The following SLC9A8 variants were observed in gnomAD, a reference collection of about 807,000 sequenced individuals.
SLC9A8 encodes solute carrier family 9 member A8.
A neutral mutation model predicts 66.6 loss-of-function variants in SLC9A8; 48 were observed. The observed-to-expected ratio is 0.72, with a 90% confidence interval of 0.57 to 0.92. The LOEUF (loss-of-function observed/expected upper bound fraction) is 0.92. SLC9A8 is among the 40% of genes least tolerant of loss of function. The probability of loss-of-function intolerance (pLI) is 0.00; values close to 1 mark genes in which losing one functional copy is unlikely to be tolerated. For missense variants in SLC9A8, 599 were observed against 747.3 expected, an observed-to-expected ratio of 0.80 and a Z score of 2.31; for synonymous variants, 274 against 282.6, an observed-to-expected ratio of 0.97 and a Z score of 0.31.
Position 49,864,831 on chromosome 20 carries a change from A to C in SLC9A8, c.945A>C (p.Gly315=). Residue 315 remains glycine, a synonymous_variant, in exon 10 of 16, where the codon GGA becomes GGC. Transcript: ENST00000361573. ...FAYLPYGLAE[G]ISLSGIMAIL... ...ATCTGCCTTATGGGCTTGCAGAAGG[A>C]ATCTCACTCTCAGGTAAGTGACAGA... 1.2e-6 allele frequency: 2 copies of C among 1,608,922 alleles called. No homozygotes were observed. The highest frequency in any genetic ancestry group is 1.7e-6 in the Non-Finnish European group (2 of 1,175,204).
Position 49,888,308 on chromosome 20 carries a change from C to T in SLC9A8, c.*372C>T, listed in dbSNP as rs146175002. The T allele has an allele frequency of 6.9e-3, 1,384 of 200,156 alleles. 5 individuals are homozygous for T. Among genetic ancestry groups the T allele is most frequent in the Non-Finnish European group, 9.9e-3 (936 of 94,522 alleles). 12.4% of individuals were successfully genotyped at this position (200,156 alleles called of 1,614,324 possible). ...TAGAGGAGCACCATCTACAGTTGTG[C>T]CATTCCCCAGCCACTGCCTTCATGC... is the stretch of plus-strand genomic sequence containing the variant. On this transcript the variant is annotated 3_prime_UTR_variant, in exon 16 of 16. Coordinates refer to ENST00000361573, the MANE Select transcript of SLC9A8 (RefSeq NM_015266.3).
In SLC9A8 at chr20:49,876,710, C is replaced by T. The variant is rs116585280; in HGVS notation, c.1076-1271C>T. On this transcript the variant is annotated intron_variant, in intron 11 of 15. Coordinates refer to ENST00000361573, the MANE Select transcript of SLC9A8 (RefSeq NM_015266.3). ...ACTGAACACCTTCATTAGCAAGGGT[C>T]CCAACTGTGGCAAAGTGGCAGAAAT... Among the ~76,000 whole-genome samples the T allele has an allele frequency of 9.9e-3, 1,509 of 152,252 alleles. 27 individuals are homozygous for T. The highest frequency in any genetic ancestry group is 0.067 in the South Asian group (323 of 4,814).
chr20:49,859,480 AC>A (rs2088648267), intron 8 of SLC9A8, among the ~76,000 whole-genome samples: 2 of 124,838 alleles, frequency 1.6e-5, no homozygotes, highest in South Asian at 6.5e-4. Context: ...CTCCCCCTCC[AC>A]CTTTTTTTTT....
intron 2 of SLC9A8, among the ~76,000 whole-genome samples, chr20:49,817,391 A>G (rs915972013): frequency 1.3e-5 from 2 of 151,938 alleles, no homozygotes; most frequent in Non-Finnish European, 2.9e-5. Flanking sequence ...GCTTTTCTTT[A>G]ATGATACCAA....
chr20:49,857,159 C>CA (rs1484382107), intron 8 of SLC9A8, among the ~76,000 whole-genome samples: 1 of 152,032 alleles, frequency 6.6e-6, no homozygotes, highest in Non-Finnish European at 1.5e-5. Context: ...CACCTTCCCG[C>CA]AAAAAACTCC....
intron 3 of SLC9A8, among the ~76,000 whole-genome samples, chr20:49,834,433 GTATATATATATATATACTGTATA>G (rs2087434478): frequency 3.5e-5 from 1 of 28,172 alleles, no homozygotes; most frequent in East Asian, 1.4e-3. Context: ...TATATATACT[GTATATATATATATATACTGTATA>G]TATATATACT....
chr20:49,881,785 A>G (rs2089633812), intron 13 of SLC9A8, among the ~76,000 whole-genome samples: 2 of 152,220 alleles, frequency 1.3e-5, no homozygotes, highest in African/African-American at 4.8e-5. Context: ...GTATATATAC[A>G]TATACATTTA....
At position 49,888,941 on chromosome 20, in the gene SLC9A8, T is replaced by C. The variant is rs1274107532; in HGVS notation, c.*1005T>C. 6.6e-6 allele frequency: 1 copy of C among 152,428 alleles called. No homozygotes were observed. The highest frequency in any genetic ancestry group is 1.5e-5 in the Non-Finnish European group (1 of 68,184). 9.4% of individuals were successfully genotyped at this position (152,428 alleles called of 1,614,324 possible). A position where few individuals can be genotyped will look rare whatever the true frequency, so the allele number is the denominator to read the frequency against. On this transcript the variant is annotated 3_prime_UTR_variant, in exon 16 of 16. Coordinates refer to ENST00000361573, the MANE Select transcript of SLC9A8 (RefSeq NM_015266.3). ...CAGTTCCCTACCACGTTGGATCCCATTCGTCACCCATGCTAGGGTCCCCAA... is the reference window on the plus strand; with the variant it reads ...CAGTTCCCTACCACGTTGGATCCCACTCGTCACCCATGCTAGGGTCCCCAA...
Position 49,864,803 on chromosome 20 carries a change from C to T in SLC9A8, c.917C>T (p.Ala306Val), listed in dbSNP as rs1421901106. ...SLEFGMMIIF[A>V]YLPYGLAEGI... Reference sequence around the variant, plus strand: ...GAGTTTGGCATGATGATCATTTTTGCTTATCTGCCTTATGGGCTTGCAGAA... The same window carrying T: ...GAGTTTGGCATGATGATCATTTTTGTTTATCTGCCTTATGGGCTTGCAGAA... Residue 306 changes from alanine (A) to valine (V), a missense_variant, in exon 10 of 16, where the codon GCT becomes GTT. By Grantham distance (64) the Ala-to-Val change is moderately conservative. Around this residue, in one of 2 missense-constraint regions of SLC9A8, gnomAD observed 467 missense variants for 626.5 expected, o/e 0.75. Coordinates refer to ENST00000361573, the MANE Select transcript of SLC9A8 (RefSeq NM_015266.3). 11 of 1,613,924 alleles carry T rather than the reference C, an allele frequency of 6.8e-6. No individual in the cohort carries two copies. Among genetic ancestry groups the T allele is most frequent in the Non-Finnish European group, 9.3e-6 (11 of 1,179,822 alleles).
At chr20:49,835,168 C>T (rs2087478481) in intron 3 of SLC9A8, among the ~76,000 whole-genome samples, 1 of 147,484 alleles carries the variant, frequency 6.8e-6, no homozygotes. Flanking sequence ...GTCTCTGGAT[C>T]TGCCCTAGGG....
chr20:49,817,693 G>A (rs576123047), intron 2 of SLC9A8, among the ~76,000 whole-genome samples: 3 of 151,966 alleles, frequency 2.0e-5, no homozygotes, highest in Non-Finnish European at 4.4e-5. Context: ...ATCCTTGTCT[G>A]TCATAGTTTT....
Position 49,823,148 on chromosome 20 carries a change from G to T in SLC9A8, c.289+7G>T. On this transcript the variant is annotated splice_region_variant and intron_variant, in intron 3 of 15. Transcript: ENST00000361573. ...GTTGCTGTTGTTTCTTTAGGTAAGT[G>T]TGTATTGGTGATTCCATAATAAAAG... 1.2e-6 allele frequency: 2 copies of T among 1,600,578 alleles called. No individual in the cohort carries two copies. Among genetic ancestry groups the T allele is most frequent in the East Asian group, 4.5e-5 (2 of 44,802 alleles).
chr20:49,845,613 T>A (rs975764969), intron 5 of SLC9A8, among the ~76,000 whole-genome samples: 1 of 152,024 alleles, frequency 6.6e-6, no homozygotes, highest in Admixed American at 6.5e-5. Context: ...CAGCTTGATA[T>A]TCCCCTTCAT....
At chr20:49,844,082 C>G (rs1034057235) in intron 4 of SLC9A8, among the ~76,000 whole-genome samples, 1 of 152,140 alleles carries the variant, frequency 6.6e-6, no homozygotes, top group African/African-American at 2.4e-5. Flanking sequence ...ACAGCAGAAT[C>G]ATGAGCCAAA....
At chr20:49,828,202 T>C (rs1483022803) in intron 3 of SLC9A8, among the ~76,000 whole-genome samples, 1 of 148,278 alleles carries the variant, frequency 6.7e-6, no homozygotes, top group Admixed American at 6.8e-5. Flanking sequence ...TGCCTCAGCC[T>C]CCCGAGTAGC....
chr20:49,834,177 CTCTCTCTCTA>C (rs1187253951), intron 3 of SLC9A8, among the ~76,000 whole-genome samples: 472 of 56,900 alleles, frequency 8.3e-3, no homozygotes, highest in Non-Finnish European at 0.011. Context: ...CTCTCTCTCT[CTCTCTCTCTA>C]TATATATATA....
chr20:49,862,971 T>TG lies in SLC9A8; in HGVS notation c.759dup (p.Trp254ValfsTer9). On this transcript the variant is annotated frameshift_variant, in exon 9 of 16. Transcript: ENST00000361573. LOFTEE classifies it high-confidence loss of function. ...CAAGAAAAAATATGTCAGATGTCAG[T>TG]GGGTGGCAAACATTTTTACAAGCCC... 1 of 1,613,714 alleles carries TG rather than the reference T, an allele frequency of 6.2e-7. No homozygotes were observed. The highest frequency in any genetic ancestry group is 1.1e-5 in the South Asian group (1 of 91,056).
chr20:49,883,865 C>G lies in SLC9A8; in HGVS notation c.1290C>G (p.Pro430=), dbSNP rs756409450. 3.1e-6 allele frequency: 5 copies of G among 1,607,690 alleles called. No homozygotes were observed. The South Asian group carries it at 4.4e-5, about 14-fold the overall frequency. Reference sequence around the variant, plus strand: ...ACCCAGGCCTGCGGGGAGCCATCCCCTATGCCCTGAGCCTACACCTGGACC... The same window carrying G: ...ACCCAGGCCTGCGGGGAGCCATCCCGTATGCCCTGAGCCTACACCTGGACC... ...MWFSGLRGAI[P]YALSLHLDLE... is the part of the protein sequence containing the mutation. The change falls in exon 14 of 16, where the codon CCC becomes CCG. Residue 430 remains proline (P), a synonymous_variant. Coordinates refer to ENST00000361573, the MANE Select transcript of SLC9A8 (RefSeq NM_015266.3).
At chr20:49,884,164 C>T (rs1225493562) in intron 14 of SLC9A8, 98 bp downstream of exon 14, 1 of 1,005,636 alleles carries the variant, frequency 9.9e-7, no homozygotes, top group Non-Finnish European at 1.5e-6. Context: ...GCCTTGCTTT[C>T]TTGCTTTGAG....
Sources: allele counts gnomAD v4.1 joint callset (sites outside exome capture counted in the v4.1 genomes callset), GRCh38; gene constraint gnomAD v4.1.1; regional missense constraint gnomAD v4.1.1; transcripts MANE v1.5; gene names NCBI Gene and HGNC (gene_info 2026-07-23, HGNC 2026-07-21).